The following SLC12A7 variants were observed in gnomAD, a reference collection of about 807,000 sequenced individuals.
SLC12A7 encodes the protein solute carrier family 12 member 7.
In SLC12A7, 100 loss-of-function variants were observed where a neutral mutation model predicts 120.6. That is an observed-to-expected ratio of 0.83 (90% CI 0.71 to 0.98). The LOEUF (loss-of-function observed/expected upper bound fraction) is 0.98, where lower values mean the gene tolerates loss of function less well. Ranked by LOEUF, SLC12A7 falls within the 50% of genes least tolerant of loss-of-function variation. The probability of loss-of-function intolerance (pLI) is 0.00; values close to 1 mark genes in which losing one functional copy is unlikely to be tolerated. For missense variants in SLC12A7, 1,373 were observed against 1,548.1 expected (o/e 0.89, Z 1.90); for synonymous variants, 760 against 678.0 (o/e 1.12, Z -1.88).
At chr5:1,086,390 C>A (rs1322981224) in intron 6 of SLC12A7, among the ~76,000 whole-genome samples, 1 of 152,160 alleles carries the variant, frequency 6.6e-6, no homozygotes, top group East Asian at 1.9e-4. Context: ...CCACGAGGAC[C>A]AAGGAACTCA....
At chr5:1,055,490 G>A (rs1001687552) in intron 22 of SLC12A7, among the ~76,000 whole-genome samples, 6 of 152,148 alleles carry the variant, frequency 3.9e-5, no homozygotes, top group South Asian at 2.1e-4. Flanking sequence ...CCAGATCTTC[G>A]GAGGGCTTCT....
the SLC12A7 span, among the ~76,000 whole-genome samples, chr5:1,124,282 C>T: frequency 6.6e-6 from 1 of 152,104 alleles, no homozygotes; most frequent in African/African-American, 2.4e-5. Context: ...TCACTGTTTT[C>T]GAGGAGAAAA....
In SLC12A7 at chr5:1,067,790, C is replaced by T. The variant is rs1466963049; in HGVS notation, c.2242-2312G>A. 1.5e-5 allele frequency among the ~76,000 whole-genome samples: 2 copies of T among 129,660 alleles called. 1 individual carries two copies. 85.1% of individuals were successfully genotyped at this position (129,660 alleles called of 152,430 possible). A position where few individuals can be genotyped will look rare whatever the true frequency, so the allele number is the denominator to read the frequency against. ...CTGCCCTGGCCTGGCAGGAACTCAA[C>T]ACTGTGTGGGGAGACCCTGTTATCA... is the stretch of plus-strand genomic sequence containing the variant. On this transcript the variant is annotated intron_variant, in intron 17 of 23. Coordinates refer to ENST00000264930, the MANE Select transcript of SLC12A7 (RefSeq NM_006598.3).
In SLC12A7 at chr5:1,079,456, A is replaced by G; in HGVS notation, c.1338T>C (p.Asp446=). The change falls in exon 10 of 24, where the codon GAT becomes GAC. Residue 446 remains aspartate (D), a synonymous_variant. Coordinates refer to ENST00000264930, the MANE Select transcript of SLC12A7 (RefSeq NM_006598.3). The part of the protein sequence containing the change: ...AGSNRSGDLK[D]AQKSIPTGTI... ...TCCCCGTGGGGATGGACTTCTGTGC[A>G]TCCTTGAGGTCCCCGGACCGGTTTG... 1 of 1,612,754 alleles carries G rather than the reference A, an allele frequency of 6.2e-7. No homozygotes were observed. Among genetic ancestry groups the G allele is most frequent in the African/African-American group, 1.3e-5 (1 of 75,024 alleles).
At chr5:1,128,696 G>A in the SLC12A7 span, among the ~76,000 whole-genome samples, 1 of 152,214 alleles carries the variant, frequency 6.6e-6, no homozygotes, top group Non-Finnish European at 1.5e-5. Flanking sequence ...GTCCTGACAG[G>A]CTGCAGCGGA....
chr5:1,106,770 G>A (rs964364359), intron 1 of SLC12A7, among the ~76,000 whole-genome samples: 3 of 152,214 alleles, frequency 2.0e-5, no homozygotes, highest in South Asian at 2.1e-4. Flanking sequence ...GCTGGGAACC[G>A]GGTCACGCAA....
intron 22 of SLC12A7, 168 bp downstream of exon 22, chr5:1,057,303 A>G (rs1320796176): frequency 1.5e-6 from 1 of 669,186 alleles, no homozygotes; most frequent in Non-Finnish European, 2.4e-6. Context: ...CTTGGCACCA[A>G]AAGGACCCCT....
intron 1 of SLC12A7, among the ~76,000 whole-genome samples, chr5:1,097,513 C>T (rs1044028114): frequency 6.6e-6 from 1 of 152,204 alleles, no homozygotes; most frequent in African/African-American, 2.4e-5. Flanking sequence ...GAAAACATAA[C>T]GATGTAACCA....
At chr5:1,092,760 G>A (rs1014499376) in intron 3 of SLC12A7, among the ~76,000 whole-genome samples, 1 of 151,968 alleles carries the variant, frequency 6.6e-6, no homozygotes, top group African/African-American at 2.4e-5. Context: ...TTATTCTAGA[G>A]CAACACAGAC....
At chr5:1,061,078 C>G (rs1393477249) in intron 20 of SLC12A7, among the ~76,000 whole-genome samples, 12 of 93,330 alleles carry the variant, frequency 1.3e-4, no homozygotes, top group African/African-American at 3.8e-4. Flanking sequence ...CCGCACCTGC[C>G]GCATCCGCCA....
At position 1,077,744 on chromosome 5, in the gene SLC12A7, C is replaced by CCA. The variant is rs879865662; in HGVS notation, c.1629+87_1629+88dup. 8.2e-6 allele frequency: 11 copies of CCA among 1,347,892 alleles called. No homozygotes were observed. In the East Asian group the frequency reaches 2.4e-4, roughly 29 times the overall value. 83.5% of individuals were successfully genotyped at this position (1,347,892 alleles called of 1,614,324 possible). ...GGGGTCCAAGCCGCGGGCATGCGTC[C>CCA]CACACACGGCACTGTGAGGATCCCG... On this transcript the variant is annotated intron_variant, in intron 12 of 23. Coordinates refer to ENST00000264930, the MANE Select transcript of SLC12A7 (RefSeq NM_006598.3).
At position 1,111,902 on chromosome 5, in the gene SLC12A7, G is replaced by A; in HGVS notation, c.90C>T (p.Thr30=). The change falls in exon 1 of 24, where the codon ACC becomes ACT. Residue 30 remains threonine (T), a synonymous_variant. Coordinates refer to ENST00000264930, the MANE Select transcript of SLC12A7 (RefSeq NM_006598.3). ...GGCGCTCGGGCTCGGGGCCCTCGGG[G>A]GTGCCCGGAGCCTCCGTCCGCTCGG... ...ETAERTEAPG[T]PEGPEPERPS... 8.1e-7 allele frequency: 1 copy of A among 1,242,180 alleles called. No homozygotes were observed. The highest frequency in any genetic ancestry group is 1.0e-6 in the Non-Finnish European group (1 of 991,370). The allele number at this position is 1,242,180 out of a possible 1,614,324, so 76.9% of individuals were successfully genotyped here.
the SLC12A7 span, among the ~76,000 whole-genome samples, chr5:1,154,041 T>C: frequency 6.6e-6 from 1 of 152,054 alleles, no homozygotes; most frequent in Non-Finnish European, 1.5e-5. Flanking sequence ...TCCACACGCA[T>C]GTGTTCCCAA....
the SLC12A7 span, among the ~76,000 whole-genome samples, chr5:1,149,691 C>T: frequency 6.6e-6 from 1 of 152,188 alleles, no homozygotes; most frequent in Non-Finnish European, 1.5e-5. Flanking sequence ...GGATGTGAAG[C>T]ATCTCTCCAT....
the SLC12A7 span, among the ~76,000 whole-genome samples, chr5:1,131,621 C>A: frequency 6.6e-6 from 1 of 152,216 alleles, no homozygotes; most frequent in Admixed American, 6.5e-5. Context: ...CCTAACCAGG[C>A]GCTAGGGCTG....
At chr5:1,116,269 GC>G (rs893241091), upstream of SLC12A7, among the ~76,000 whole-genome samples, 82 of 152,328 alleles carry the variant, frequency 5.4e-4, no homozygotes, top group African/African-American at 1.9e-3. Flanking sequence ...ACCGCAAGCT[GC>G]CCCCCGCCCC....
chr5:1,111,715 C>T (rs943912359), intron 1 of SLC12A7, among the ~76,000 whole-genome samples, 153 bp downstream of exon 1: 1 of 152,152 alleles, frequency 6.6e-6, no homozygotes, highest in Non-Finnish European at 1.5e-5. Flanking sequence ...GGGGTGGGGG[C>T]CCTCGTGGGG....
intron 1 of SLC12A7, among the ~76,000 whole-genome samples, chr5:1,107,761 C>T (rs1378404706): frequency 2.0e-5 from 3 of 152,186 alleles, no homozygotes; most frequent in Non-Finnish European, 2.9e-5. Context: ...TTTGGCCTCG[C>T]CCACTCAGAG....
At chr5:1,112,109 G>C, upstream of SLC12A7, 2 of 1,108,854 alleles carry the variant, frequency 1.8e-6, no homozygotes, top group Non-Finnish European at 2.3e-6. Context: ...CCCCGCCCGG[G>C]CCACGTGACT....
Sources: gnomAD v4.1 joint callset for allele counts (sites outside exome capture counted in the v4.1 genomes callset) on GRCh38, gnomAD v4.1.1 for gene constraint, MANE v1.5 for transcripts, NCBI Gene and HGNC (gene_info 2026-07-23, HGNC 2026-07-21) for gene names.